UEVLD: variants seen among roughly 807,000 people sequenced by gnomAD.
UEVLD encodes the protein ubiquitin-conjugating enzyme E2 variant 3.
Under a neutral mutation model 58.6 loss-of-function variants are expected in UEVLD, and 47 were observed. That is an observed-to-expected ratio of 0.80 (90% CI 0.63 to 1.02). UEVLD has a LOEUF of 1.02. Among genes scored for constraint, UEVLD ranks in the 50% least tolerant of loss-of-function variants. The probability of loss-of-function intolerance (pLI) is 0.00; values close to 1 mark genes in which losing one functional copy is unlikely to be tolerated. For synonymous variants in UEVLD, 197 were observed against 195.3 expected (o/e 1.01, Z -0.07); for missense variants, 510 against 550.6 (o/e 0.93, Z 0.74).
chr11:18,547,698 T>C (rs1168849314), intron 7 of UEVLD, among the ~76,000 whole-genome samples: 1 of 152,152 alleles, frequency 6.6e-6, no homozygotes, highest in African/African-American at 2.4e-5. Context: ...AATTACACCA[T>C]TGGTTCCTAA....
At position 18,572,140 on chromosome 11, in the gene UEVLD, G is replaced by C. The variant is rs904690281; in HGVS notation, c.194-1763C>G. ...AGTCCCAGCTCCTCAGGAGGCTGAG[G>C]CAGGAGAATGGCATGAAACTGGGAG... On this transcript the variant is annotated intron_variant, in intron 3 of 11. Coordinates refer to ENST00000396197, the MANE Select transcript of UEVLD (RefSeq NM_001040697.4). 2.6e-5 allele frequency among the ~76,000 whole-genome samples: 4 copies of C among 152,160 alleles called. 1 individual carries two copies. The highest frequency in any genetic ancestry group is 9.7e-5 in the African/African-American group (4 of 41,428).
At chr11:18,548,206 G>A (rs544728073) in intron 7 of UEVLD, among the ~76,000 whole-genome samples, 21 of 152,256 alleles carry the variant, frequency 1.4e-4, no homozygotes, top group Non-Finnish European at 2.8e-4. Flanking sequence ...TCCAGCACAC[G>A]TTATGCTGTT....
chr11:18,583,070 G>T (rs180992244), intron 1 of UEVLD, among the ~76,000 whole-genome samples: 2 of 147,552 alleles, frequency 1.4e-5, no homozygotes, highest in African/African-American at 5.0e-5. Flanking sequence ...TTACAGATGC[G>T]CATCACCACA....
chr11:18,585,955 A>G (rs963682658), intron 1 of UEVLD, among the ~76,000 whole-genome samples: 1 of 152,118 alleles, frequency 6.6e-6, no homozygotes, highest in African/African-American at 2.4e-5. Context: ...TTTTTTTTCC[A>G]TAATAATGTC....
At chr11:18,558,042 T>C (rs779640207) in intron 7 of UEVLD, among the ~76,000 whole-genome samples, 186 bp downstream of exon 7, 1 of 152,222 alleles carries the variant, frequency 6.6e-6, no homozygotes, top group Non-Finnish European at 1.5e-5. Flanking sequence ...CCTATTAATA[T>C]AATCAGTTAA....
At chr11:18,588,494 C>T (rs61884724) in intron 1 of UEVLD, 119 bp downstream of exon 1, 161,669 of 1,235,120 alleles carry the variant, frequency 0.13, 12,354 homozygotes, top group East Asian at 0.27. Flanking sequence ...AGACCAGCCG[C>T]CCCGGCTCCA....
intron 4 of UEVLD, among the ~76,000 whole-genome samples, chr11:18,568,934 G>A (rs763442355): frequency 2.6e-5 from 4 of 151,568 alleles, no homozygotes; most frequent in Non-Finnish European, 5.9e-5. Flanking sequence ...TCGCTCTGTC[G>A]CCCAGGCTGG....
Position 18,544,724 on chromosome 11 carries a change from T to C in UEVLD, c.959A>G (p.Asn320Ser), listed in dbSNP as rs1375128900. 4 of 1,580,334 alleles carry C rather than the reference T, an allele frequency of 2.5e-6. No homozygotes were observed. In the East Asian group the frequency reaches 9.7e-5, roughly 38 times the overall value. ...PANRVIGIGC[N>S]LDSQRLQYII... The stretch of plus-strand genomic sequence containing the variant: ...ATACTGTAATCTCTGTGAATCCAGA[T>C]TACATCCAATTCCGATCACTCGATT... The change falls in exon 9 of 12, where the codon AAT becomes AGT. Residue 320 changes from asparagine (N) to serine (S), a missense_variant. Physicochemically the swap from Asn to Ser is conservative, Grantham distance 46. Transcript: ENST00000396197.
At chr11:18,542,894 T>A (rs1851118529) in intron 9 of UEVLD, among the ~76,000 whole-genome samples, 2 of 146,280 alleles carry the variant, frequency 1.4e-5, no homozygotes, top group South Asian at 4.5e-4. Context: ...TCTTTTCTTT[T>A]TTTTTTTTTT....
In UEVLD at chr11:18,566,333, A is replaced by C. The variant is rs1159878803; in HGVS notation, c.493+14T>G. On this transcript the variant is annotated intron_variant, in intron 5 of 11. Transcript: ENST00000396197. ...CATAACTCTCAAGATAATCTGCCTG[A>C]CAAATATACAAACCTTCAGTGATTT... 1 of 1,613,550 alleles carries C rather than the reference A, an allele frequency of 6.2e-7. No homozygotes were observed. The highest frequency in any genetic ancestry group is 2.2e-5 in the East Asian group (1 of 44,860).
intron 4 of UEVLD, among the ~76,000 whole-genome samples, chr11:18,568,952 T>C (rs1852443183): frequency 6.6e-6 from 1 of 152,122 alleles, no homozygotes; most frequent in South Asian, 2.1e-4. Context: ...TGGAGTGCAG[T>C]GGTGCAATCT....
At chr11:18,582,405 C>CTTTTT (rs773719146) in intron 1 of UEVLD, among the ~76,000 whole-genome samples, 1 of 75,638 alleles carries the variant, frequency 1.3e-5, no homozygotes, top group African/African-American at 4.7e-5. Flanking sequence ...AAAATATTAG[C>CTTTTT]TTTTTTTTTT....
intron 6 of UEVLD, among the ~76,000 whole-genome samples, chr11:18,561,899 A>G (rs935463154): frequency 6.6e-6 from 1 of 151,214 alleles, no homozygotes; most frequent in Admixed American, 6.6e-5. Context: ...ACTCCATCTC[A>G]AGAAAAAAAA....
At chr11:18,568,826 C>G (rs923540038) in intron 4 of UEVLD, among the ~76,000 whole-genome samples, 3 of 152,060 alleles carry the variant, frequency 2.0e-5, no homozygotes, top group African/African-American at 7.2e-5. Context: ...CTAAGGCATT[C>G]TTTACTCCAA....
intron 7 of UEVLD, among the ~76,000 whole-genome samples, chr11:18,549,861 G>A (rs1031863544): frequency 1.3e-5 from 2 of 150,512 alleles, no homozygotes; most frequent in East Asian, 2.0e-4. Flanking sequence ...TGCTCTTGTC[G>A]CCCAGGCTGT....
At chr11:18,550,597 T>C (rs1851483339) in intron 7 of UEVLD, among the ~76,000 whole-genome samples, 1 of 152,166 alleles carries the variant, frequency 6.6e-6, no homozygotes, top group South Asian at 2.1e-4. Flanking sequence ...CCAGCAACTA[T>C]CTCAATCCTA....
chr11:18,545,042 CTATCTA>C (rs1251645187), intron 8 of UEVLD, among the ~76,000 whole-genome samples: 1 of 76,338 alleles, frequency 1.3e-5, no homozygotes, highest in African/African-American at 5.0e-5. Flanking sequence ...GTGTGTATAT[CTATCTA>C]TATCTATATC....
intron 1 of UEVLD, among the ~76,000 whole-genome samples, chr11:18,580,503 A>G (rs1377072905): frequency 1.3e-5 from 2 of 152,178 alleles, no homozygotes; most frequent in Non-Finnish European, 2.9e-5. Flanking sequence ...TGGCATATCC[A>G]TAAAATGAAA....
intron 6 of UEVLD, among the ~76,000 whole-genome samples, chr11:18,563,281 T>C (rs551729444): frequency 2.6e-5 from 4 of 152,206 alleles, no homozygotes; most frequent in South Asian, 2.1e-4. Flanking sequence ...GACTCACTAG[T>C]ACTATTTTTT....
Sources: allele counts gnomAD v4.1 joint callset (sites outside exome capture counted in the v4.1 genomes callset), GRCh38; gene constraint gnomAD v4.1.1; transcripts MANE v1.5; gene names NCBI Gene and HGNC (gene_info 2026-07-23, HGNC 2026-07-21).